The following POC1B variants were observed in gnomAD, a reference collection of about 807,000 sequenced individuals.
POC1B encodes the protein POC1 centriolar protein B, also known as POC1 centriolar protein homolog B.
Under a neutral mutation model 60.6 loss-of-function variants are expected in POC1B, and 44 were observed. That is an observed-to-expected ratio of 0.73 (90% CI 0.57 to 0.93). POC1B has a LOEUF of 0.93. POC1B is among the 40% of genes least tolerant of loss of function. POC1B has a pLI of 0.00. For missense variants in POC1B, 555 were observed against 572.3 expected, an observed-to-expected ratio of 0.97 and a Z score of 0.31; for synonymous variants, 180 against 198.9, an observed-to-expected ratio of 0.90 and a Z score of 0.80.
At chr12:89,470,521 A>G in intron 6 of POC1B, 27 bp from the exon 7 acceptor site, 1 of 1,534,410 alleles carries the variant, frequency 6.5e-7, no homozygotes, top group Non-Finnish European at 8.9e-7. Context: ...AAAAGCAAAA[A>G]GTTCAGAGAA....
At chr12:89,515,993 C>A (rs1870423855) in intron 2 of POC1B, among the ~76,000 whole-genome samples, 1 of 152,146 alleles carries the variant, frequency 6.6e-6, no homozygotes, top group African/African-American at 2.4e-5. Flanking sequence ...TATAACTATA[C>A]CAGTGAGAAT....
intron 10 of POC1B, among the ~76,000 whole-genome samples, chr12:89,443,202 A>G (rs891720423): frequency 1.3e-5 from 2 of 152,222 alleles, no homozygotes; most frequent in Non-Finnish European, 2.9e-5. Context: ...AACAAGACAG[A>G]AAGTTAACAA....
At chr12:89,502,623 T>C in intron 2 of POC1B, 2 of 1,321,152 alleles carry the variant, frequency 1.5e-6, no homozygotes, top group South Asian at 1.2e-5. Context: ...ATTATTCTCA[T>C]GGATCTTGTA....
chr12:89,459,850 A>T, intron 9 of POC1B, 132 bp from the exon 10 acceptor site: 1 of 531,624 alleles, frequency 1.9e-6, no homozygotes, highest in Admixed American at 3.7e-5. Context: ...ATTACTATGG[A>T]TAAAAAAAAT....
intron 10 of POC1B, among the ~76,000 whole-genome samples, chr12:89,444,059 A>G (rs1234788139): frequency 6.6e-6 from 1 of 152,194 alleles, no homozygotes; most frequent in Non-Finnish European, 1.5e-5. Flanking sequence ...ACTAGGAAGA[A>G]GTTGAACCCC....
the POC1B span, among the ~76,000 whole-genome samples, chr12:89,414,546 C>T: frequency 6.6e-6 from 1 of 152,194 alleles, no homozygotes; most frequent in South Asian, 2.1e-4. Context: ...CATTGTGTTC[C>T]TAGATTCACT....
chr12:89,459,572 A>G, intron 10 of POC1B, 66 bp downstream of exon 10: 1 of 952,396 alleles, frequency 1.0e-6, no homozygotes, highest in Admixed American at 3.0e-5. Flanking sequence ...TTTAAAGGAA[A>G]ATGGATTATG....
rs191362287 is a variant in POC1B at position 89,474,386 on chromosome 12, A to G, written c.453-2111T>C. ...ATTATGGAGAAAAATATTTAATAAA[A>G]TGAAATGCTTAGATAATAACAAAAT... is the stretch of plus-strand genomic sequence containing the variant. On this transcript the variant is annotated intron_variant, in intron 4 of 11. Coordinates refer to ENST00000313546, the MANE Select transcript of POC1B (RefSeq NM_172240.3). Among the ~76,000 whole-genome samples the G allele has an allele frequency of 7.9e-5, 12 of 152,358 alleles. No individual in the cohort carries two copies. The East Asian group carries it at 2.1e-3, about 27-fold the overall frequency.
intron 10 of POC1B, chr12:89,429,064 C>T (rs1047154039): frequency 2.0e-5 from 3 of 151,952 alleles, no homozygotes; most frequent in Non-Finnish European, 2.9e-5. Flanking sequence ...CAGTCAAGGT[C>T]GTTAGTATAG....
At chr12:89,498,881 GA>G (rs1362455947) in intron 2 of POC1B, among the ~76,000 whole-genome samples, 2 of 152,136 alleles carry the variant, frequency 1.3e-5, no homozygotes, top group East Asian at 3.9e-4. Flanking sequence ...ACATAGTAGG[GA>G]AGACAGCATT....
chr12:89,519,849 C>T (rs1036851493), intron 2 of POC1B: 1 of 152,106 alleles, frequency 6.6e-6, no homozygotes, highest in Non-Finnish European at 1.5e-5. Context: ...TCAACCTATC[C>T]GTAAAGTTGG....
chr12:89,426,688 G>A (rs1880778087), intron 10 of POC1B: 1 of 152,092 alleles, frequency 6.6e-6, no homozygotes, highest in South Asian at 2.1e-4. Flanking sequence ...GCCAGGTGTG[G>A]TGGTACACGC....
At chr12:89,442,776 GC>G (rs1157565285) in intron 10 of POC1B, among the ~76,000 whole-genome samples, 4 of 152,124 alleles carry the variant, frequency 2.6e-5, no homozygotes, top group African/African-American at 9.7e-5. Flanking sequence ...ATGTAAATGG[GC>G]TAAATGCTCC....
rs141725094 is a variant in POC1B, at chr12:89,424,093, T to C, written c.1332+1068A>G. ...TGAGTGATTTTTAATATGATTTTCA[T>C]TGAGCAAATCATATGATGACTCCAA... On this transcript the variant is annotated intron_variant, in intron 11 of 11. Coordinates refer to ENST00000313546, the MANE Select transcript of POC1B (RefSeq NM_172240.3). Among the ~76,000 whole-genome samples, 235 of 152,352 alleles carry C rather than the reference T, an allele frequency of 1.5e-3. 1 individual carries two copies. The highest frequency in any genetic ancestry group is 5.6e-3 in the African/African-American group (232 of 41,584).
chr12:89,403,012 A>AT, the POC1B span, among the ~76,000 whole-genome samples: 606 of 139,324 alleles, frequency 4.3e-3, 5 homozygotes, highest in South Asian at 0.026. Flanking sequence ...ACACAAACAC[A>AT]TTTTTTTTTT....
chr12:89,522,981 G>A (rs1871020885), intron 2 of POC1B: 1 of 1,613,856 alleles, frequency 6.2e-7, no homozygotes, highest in South Asian at 1.1e-5. Flanking sequence ...CTGGTACAGG[G>A]AACCCATCTT....
the POC1B span, among the ~76,000 whole-genome samples, chr12:89,412,634 A>ATG: frequency 6.1e-4 from 93 of 151,264 alleles, no homozygotes; most frequent in Admixed American, 7.3e-4. Context: ...CCGAGATCGC[A>ATG]CCAATGCACT....
intron 2 of POC1B, among the ~76,000 whole-genome samples, chr12:89,499,446 T>C (rs1377176474): frequency 1.3e-5 from 2 of 152,056 alleles, no homozygotes. Context: ...AATCTCAGCA[T>C]CATGGAGTAA....
chr12:89,524,364 C>T (rs768237762), intron 2 of POC1B: 3 of 1,614,006 alleles, frequency 1.9e-6, no homozygotes, highest in Non-Finnish European at 8.5e-7. Context: ...TCTTATAAAG[C>T]GGTCGAGACA....
Sources: allele counts gnomAD v4.1 joint callset (sites outside exome capture counted in the v4.1 genomes callset), GRCh38; gene constraint gnomAD v4.1.1; transcripts MANE v1.5; gene names NCBI Gene and HGNC (gene_info 2026-07-23, HGNC 2026-07-21).